The following KCNH5 variants were observed in gnomAD, a reference collection of about 807,000 sequenced individuals.
The protein encoded by KCNH5 is voltage-gated delayed rectifier potassium channel KCNH5.
Under a neutral mutation model 96.1 loss-of-function variants are expected in KCNH5, and 46 were observed. That is an observed-to-expected ratio of 0.48 (90% CI 0.38 to 0.61). The LOEUF (loss-of-function observed/expected upper bound fraction) is 0.61. Ranked by LOEUF, KCNH5 falls within the 20% of genes least tolerant of loss-of-function variation. KCNH5 has a pLI of 0.00. For missense variants in KCNH5, 907 were observed against 1,225.8 expected (o/e 0.74, Z 3.88); for synonymous variants, 439 against 449.8 (o/e 0.98, Z 0.30).
rs79407311 is a variant in KCNH5, at chr14:62,722,453, A to G, written c.2020-13998T>C. Among the ~76,000 whole-genome samples, 658 of 152,320 alleles carry G rather than the reference A, an allele frequency of 4.3e-3. 31 individuals are homozygous for G. In the East Asian group the frequency reaches 0.092, roughly 21 times the overall value. On this transcript the variant is annotated intron_variant, in intron 10 of 10. Coordinates refer to ENST00000322893, the MANE Select transcript of KCNH5 (RefSeq NM_139318.5). ...TCTTCCCCAAGTCTACACAGTGAAG[A>G]GTGACAAAGCAGGGTTTCTAACCAA... is the stretch of plus-strand genomic sequence containing the variant.
At chr14:63,044,690 G>A (rs979839352) in intron 1 of KCNH5, among the ~76,000 whole-genome samples, 1 of 152,142 alleles carries the variant, frequency 6.6e-6, no homozygotes. Flanking sequence ...AGCCACTTTC[G>A]CAGCCATTCC....
chr14:62,919,626 T>A (rs1293519751), intron 7 of KCNH5, among the ~76,000 whole-genome samples: 1 of 152,052 alleles, frequency 6.6e-6, no homozygotes, highest in Non-Finnish European at 1.5e-5. Context: ...GTAAGATTAC[T>A]ATTAGGATGA....
In KCNH5 at chr14:63,016,756, A is replaced by T. The variant is rs1173151256; in HGVS notation, c.197+75T>A. ...ATGGTTTGTATATGGGAGTCCAAGT[A>T]AGCTTAAGCCTTTTAATTACATTCA... On this transcript the variant is annotated intron_variant, in intron 2 of 10. Transcript: ENST00000322893. 6.2e-6 allele frequency: 9 copies of T among 1,457,872 alleles called. No homozygotes were observed. In the East Asian group the frequency reaches 1.8e-4, roughly 30 times the overall value. The allele number at this position is 1,457,872 out of a possible 1,614,324, so 90.3% of individuals were successfully genotyped here. A position where few individuals can be genotyped will look rare whatever the true frequency, so the allele number is the denominator to read the frequency against.
intron 10 of KCNH5, among the ~76,000 whole-genome samples, chr14:62,768,889 C>A (rs1233080597): frequency 6.6e-6 from 1 of 152,228 alleles, no homozygotes; most frequent in East Asian, 1.9e-4. Flanking sequence ...CTGTGAACCT[C>A]TGTCCTGGTG....
intron 6 of KCNH5, among the ~76,000 whole-genome samples, chr14:62,964,358 C>T (rs1890266646): frequency 1.3e-5 from 2 of 152,098 alleles, no homozygotes; most frequent in Non-Finnish European, 2.9e-5. Context: ...CGGCATTTAG[C>T]CCATTACATG....
intron 8 of KCNH5, among the ~76,000 whole-genome samples, chr14:62,829,568 C>T (rs572263889): frequency 6.6e-6 from 1 of 152,304 alleles, no homozygotes; most frequent in African/African-American, 2.4e-5. Context: ...TGCACTTTGG[C>T]CCCTTTTAGC....
At chr14:62,769,950 A>G (rs561848038) in intron 10 of KCNH5, among the ~76,000 whole-genome samples, 1 of 152,332 alleles carries the variant, frequency 6.6e-6, no homozygotes, top group East Asian at 1.9e-4. Flanking sequence ...ACTACGTACT[A>G]TTTGAGGGTT....
chr14:62,856,703 T>A (rs1215328867), intron 7 of KCNH5, among the ~76,000 whole-genome samples: 1 of 152,110 alleles, frequency 6.6e-6, no homozygotes, highest in African/African-American at 2.4e-5. Flanking sequence ...GCTCCTGGCT[T>A]CGCTGGATGC....
chr14:62,721,645 T>A (rs1884819951), intron 10 of KCNH5, among the ~76,000 whole-genome samples: 1 of 152,104 alleles, frequency 6.6e-6, no homozygotes, highest in South Asian at 2.1e-4. Flanking sequence ...CAATGGATTT[T>A]AATTTTATTT....
intron 7 of KCNH5, among the ~76,000 whole-genome samples, chr14:62,887,265 G>T (rs530802482): frequency 1.3e-5 from 2 of 152,098 alleles, no homozygotes; most frequent in Non-Finnish European, 2.9e-5. Context: ...TGATACAAGC[G>T]AAATCAGTTC....
At chr14:62,854,230 G>C (rs1263149249) in intron 7 of KCNH5, among the ~76,000 whole-genome samples, 2 of 152,016 alleles carry the variant, frequency 1.3e-5, no homozygotes, top group Non-Finnish European at 2.9e-5. Context: ...CAAGAGGGCA[G>C]GTGTGGGCCT....
chr14:62,969,432 A>C (rs1027181260), intron 6 of KCNH5, among the ~76,000 whole-genome samples: 10 of 152,224 alleles, frequency 6.6e-5, no homozygotes, highest in African/African-American at 2.2e-4. Context: ...ATAGGACATA[A>C]ATTTTTAAAA....
intron 1 of KCNH5, 81 bp downstream of exon 1, chr14:63,045,033 G>A: frequency 8.9e-7 from 1 of 1,121,996 alleles, no homozygotes. Flanking sequence ...CCCCCCTTGG[G>A]AGAGGGATGG....
intron 5 of KCNH5, among the ~76,000 whole-genome samples, chr14:62,985,548 G>T (rs576312057): frequency 6.6e-6 from 1 of 152,156 alleles, no homozygotes; most frequent in South Asian, 2.1e-4. Flanking sequence ...TGCAAACGTA[G>T]TGCTCAGCAT....
At chr14:62,749,644 G>A (rs895270816) in intron 10 of KCNH5, among the ~76,000 whole-genome samples, 2 of 152,202 alleles carry the variant, frequency 1.3e-5, no homozygotes, top group African/African-American at 4.8e-5. Flanking sequence ...TAGGAGGTCT[G>A]TAGTTAAGAA....
chr14:62,875,738 C>T (rs1888358267), intron 7 of KCNH5, among the ~76,000 whole-genome samples: 2 of 152,136 alleles, frequency 1.3e-5, no homozygotes, highest in Admixed American at 1.3e-4. Flanking sequence ...TGCATGTGGC[C>T]AGGCGCAGTG....
intron 8 of KCNH5, among the ~76,000 whole-genome samples, chr14:62,814,877 A>C (rs537726813): frequency 6.7e-6 from 1 of 149,508 alleles, no homozygotes; most frequent in East Asian, 2.0e-4. Context: ...ATATTGTAAC[A>C]GTTGAACATG....
chr14:62,865,185 GCAGGGC>G (rs1888110175), intron 7 of KCNH5, among the ~76,000 whole-genome samples: 2 of 152,112 alleles, frequency 1.3e-5, no homozygotes, highest in Non-Finnish European at 1.5e-5. Flanking sequence ...ACGTGAGTTG[GCAGGGC>G]TTGATGTTTT....
intron 10 of KCNH5, among the ~76,000 whole-genome samples, chr14:62,766,270 G>A (rs1419989184): frequency 2.6e-5 from 4 of 152,020 alleles, no homozygotes; most frequent in Non-Finnish European, 5.9e-5. Context: ...AAATTTGTAG[G>A]TTCCTCAAAA....
Sources: gnomAD v4.1 joint callset for allele counts (sites outside exome capture counted in the v4.1 genomes callset) on GRCh38, gnomAD v4.1.1 for gene constraint, MANE v1.5 for transcripts, NCBI Gene and HGNC (gene_info 2026-07-23, HGNC 2026-07-21) for gene names.